GSG1L: variants seen among roughly 807,000 people sequenced by gnomAD.
GSG1L encodes the protein GSG1 like.
Under a neutral mutation model 42.1 loss-of-function variants are expected in GSG1L, and 24 were observed. The ratio of observed to expected loss-of-function variants is 0.57; its 90% CI spans 0.41 to 0.80. The LOEUF is 0.80. Among genes scored for constraint, GSG1L ranks in the 30% least tolerant of loss-of-function variants. GSG1L has a pLI of 0.00. For missense variants in GSG1L, 445 were observed against 472.2 expected, an observed-to-expected ratio of 0.94 and a Z score of 0.53; for synonymous variants, 215 against 203.5, an observed-to-expected ratio of 1.06 and a Z score of -0.48.
At position 27,884,643 on chromosome 16, in the gene GSG1L, C is replaced by T. The variant is rs768858715; in HGVS notation, c.398-5G>A. ...CCACAGACAGCCACAGGACCCCTGTCCAACAGAGGCAGAGAGGCCGTGAGA... is the reference window on the plus strand; with the variant it reads ...CCACAGACAGCCACAGGACCCCTGTTCAACAGAGGCAGAGAGGCCGTGAGA... On this transcript the variant is annotated splice_region_variant and splice_polypyrimidine_tract_variant and intron_variant, in intron 2 of 6. Coordinates refer to ENST00000447459, the MANE Select transcript of GSG1L (RefSeq NM_001109763.2). The surrounding 1 kb of genome is among the most constrained non-coding windows in gnomAD (Gnocchi z 4.4). The T allele has an allele frequency of 3.8e-6, 6 of 1,572,888 alleles. No individual in the cohort carries two copies. The highest frequency in any genetic ancestry group is 1.2e-5 in the South Asian group (1 of 85,874).
chr16:27,843,607 T>C (rs1288519551), intron 4 of GSG1L, among the ~76,000 whole-genome samples: 2 of 150,784 alleles, frequency 1.3e-5, no homozygotes, highest in African/African-American at 4.9e-5. Context: ...CCAACACCAA[T>C]TCAAAGGGAA....
chr16:27,795,761 G>A (rs1382266319), intron 6 of GSG1L, among the ~76,000 whole-genome samples: 1 of 152,150 alleles, frequency 6.6e-6, no homozygotes, highest in Non-Finnish European at 1.5e-5. Flanking sequence ...GTTCCCCAAA[G>A]GTGTGATTTC....
intron 5 of GSG1L, 61 bp downstream of exon 5, chr16:27,828,728 A>T: frequency 6.6e-7 from 1 of 1,518,048 alleles, no homozygotes; most frequent in Non-Finnish European, 9.0e-7. Flanking sequence ...GTGGCCACTG[A>T]GGCCAGGCCG....
intron 3 of GSG1L, among the ~76,000 whole-genome samples, chr16:27,874,244 A>G (rs766005847): frequency 6.6e-6 from 1 of 152,060 alleles, no homozygotes; most frequent in Non-Finnish European, 1.5e-5. Context: ...ATGACTCAAA[A>G]TGGGGGCTGC....
At chr16:27,946,526 CA>C (rs1301949623) in intron 2 of GSG1L, among the ~76,000 whole-genome samples, 2 of 146,310 alleles carry the variant, frequency 1.4e-5, no homozygotes, top group African/African-American at 2.5e-5. Context: ...GCCTGGGCCA[CA>C]GAGCAAGACT....
chr16:27,838,628 C>T (rs1430450978), intron 4 of GSG1L, among the ~76,000 whole-genome samples: 2 of 152,186 alleles, frequency 1.3e-5, no homozygotes, highest in Non-Finnish European at 2.9e-5. Flanking sequence ...TTGCAACCTA[C>T]TCCAGGCCCT....
At chr16:28,048,333 GA>G (rs199849935) in intron 1 of GSG1L, among the ~76,000 whole-genome samples, 22 of 149,954 alleles carry the variant, frequency 1.5e-4, no homozygotes, top group East Asian at 1.4e-3. Flanking sequence ...AAACATTTAC[GA>G]AAAAAAAATA....
intron 6 of GSG1L, among the ~76,000 whole-genome samples, chr16:27,796,173 G>A (rs552464991): frequency 6.6e-6 from 1 of 152,270 alleles, no homozygotes; most frequent in South Asian, 2.1e-4. Flanking sequence ...AGTTCCTTCC[G>A]GCCAATCACC....
rs1337202658 is a variant in GSG1L at position 27,826,124 on chromosome 16, C to T, written c.830+2665G>A. 3.3e-5 allele frequency among the ~76,000 whole-genome samples: 5 copies of T among 152,124 alleles called. No individual in the cohort carries two copies. In the South Asian group the frequency reaches 1.0e-3, roughly 31 times the overall value. ...GACCCAGTGATTAGGAGAGGCCTCA[C>T]GGAAGCATCCCGTGGCACAGTAAGT... On this transcript the variant is annotated intron_variant, in intron 5 of 6. Coordinates refer to ENST00000447459, the MANE Select transcript of GSG1L (RefSeq NM_001109763.2).
At chr16:27,921,704 A>G (rs1229151842) in intron 2 of GSG1L, among the ~76,000 whole-genome samples, 3 of 152,138 alleles carry the variant, frequency 2.0e-5, no homozygotes, top group Non-Finnish European at 4.4e-5. Context: ...AACTGGCTTG[A>G]TAGCTTGGAT....
intron 1 of GSG1L, among the ~76,000 whole-genome samples, chr16:27,975,983 C>T (rs1224055396): frequency 6.6e-6 from 1 of 152,178 alleles, no homozygotes; most frequent in East Asian, 1.9e-4. Flanking sequence ...TTCTAAATAA[C>T]ACCCAGACAG....
intron 1 of GSG1L, among the ~76,000 whole-genome samples, chr16:28,050,802 C>T (rs2086214183): frequency 6.6e-6 from 1 of 152,174 alleles, no homozygotes; most frequent in African/African-American, 2.4e-5. Flanking sequence ...TTCTGATCTG[C>T]AACTGGTGAC....
intron 1 of GSG1L, among the ~76,000 whole-genome samples, chr16:27,979,712 AAGGAAGGAAGGAAG>A (rs2085299196): frequency 4.3e-5 from 3 of 69,090 alleles, no homozygotes; most frequent in African/African-American, 1.1e-4. Flanking sequence ...GGAAGGAAGG[AAGGAAGGAAGGAAG>A]GAAAGAAAAA....
At position 28,025,188 on chromosome 16, in the gene GSG1L, G is replaced by A. The variant is rs890183295; in HGVS notation, c.349+37888C>T. On this transcript the variant is annotated intron_variant, in intron 1 of 6. Coordinates refer to ENST00000447459, the MANE Select transcript of GSG1L (RefSeq NM_001109763.2). ...TCTGGGAAGAGCAGATGAACCAAGG[G>A]TTGCCATGTCCTGCACCTGCCCAGG... Among the ~76,000 whole-genome samples the A allele has an allele frequency of 3.3e-5, 5 of 152,308 alleles. No homozygotes were observed. In the East Asian group the frequency reaches 9.7e-4, roughly 29 times the overall value.
chr16:27,851,178 C>T (rs765829118), intron 3 of GSG1L, among the ~76,000 whole-genome samples: 2 of 152,076 alleles, frequency 1.3e-5, no homozygotes, highest in African/African-American at 4.8e-5. Flanking sequence ...AGCGTCTGAG[C>T]GAGACCCAAG....
chr16:27,799,729 T>G (rs2082861614), intron 6 of GSG1L, among the ~76,000 whole-genome samples: 1 of 151,670 alleles, frequency 6.6e-6, no homozygotes, highest in African/African-American at 2.4e-5. Flanking sequence ...TATAGGAGGT[T>G]TTAGAGCTAG....
intron 3 of GSG1L, among the ~76,000 whole-genome samples, chr16:27,864,842 G>A (rs1412548210): frequency 6.6e-6 from 1 of 152,130 alleles, no homozygotes; most frequent in South Asian, 2.1e-4. Flanking sequence ...ATTCTGGCCC[G>A]CAGGAAGGAG....
chr16:27,900,571 G>A (rs1020481227), intron 2 of GSG1L, among the ~76,000 whole-genome samples: 6 of 152,156 alleles, frequency 3.9e-5, no homozygotes, highest in Non-Finnish European at 7.3e-5. Flanking sequence ...TCCAGGTAAG[G>A]ACACTGAGGC....
intron 1 of GSG1L, among the ~76,000 whole-genome samples, chr16:27,971,175 TA>T (rs1338245438): frequency 6.6e-6 from 1 of 152,178 alleles, no homozygotes; most frequent in Non-Finnish European, 1.5e-5. Context: ...TGAATTTCTT[TA>T]AAAAAGCAAG....
Sources: allele counts gnomAD v4.1 joint callset (sites outside exome capture counted in the v4.1 genomes callset), GRCh38; gene constraint gnomAD v4.1.1; non-coding constraint Gnocchi (gnomAD v3.1); transcripts MANE v1.5; gene names NCBI Gene and HGNC (gene_info 2026-07-23, HGNC 2026-07-21).